Variants in RP1 observed in about 807,000 individuals in gnomAD.
RP1 encodes RP1 axonemal microtubule associated.
In RP1, 16 loss-of-function variants were observed where a neutral mutation model predicts 14.8. The observed-to-expected ratio is 1.08, with a 90% CI of 0.73 to 1.65. RP1 has a LOEUF of 1.65. RP1 is among the 40% of genes most tolerant of loss of function. The pLI, the probability that RP1 is intolerant of heterozygous loss-of-function variation, is 0.00. For synonymous variants in RP1, 876 were observed against 883.6 expected (o/e 0.99, Z 0.15); for missense variants, 2,631 against 2,535.0 (o/e 1.04, Z -0.81).
At chr8:54,811,727 G>C (rs1303604632) in intron 24 of RP1, among the ~76,000 whole-genome samples, 1 of 152,190 alleles carries the variant, frequency 6.6e-6, no homozygotes, top group Non-Finnish European at 1.5e-5. Context: ...AAAAGGTTGG[G>C]TGTGCGAAAC....
rs761897407 is a variant in RP1, at chr8:54,628,014, C to T, written c.4132C>T (p.Pro1378Ser). 1.2e-6 allele frequency: 2 copies of T among 1,613,784 alleles called. No individual in the cohort carries two copies. Among genetic ancestry groups the T allele is most frequent in the Non-Finnish European group, 8.5e-7 (1 of 1,179,892 alleles). Residue 1378 changes from proline to serine, a missense_variant, in exon 4 of 4, where the codon CCT becomes TCT. Pro to Ser is a moderately conservative substitution (Grantham distance 74, BLOSUM62 -1). Transcript: ENST00000220676. ...GAAAGATCTAAATATTTTGACAGAC[C>T]CTGAATATAAAAATGGATTTAATAC... ...IQKDLNILTD[P>S]EYKNGFNTLV...
intron 15 of RP1, among the ~76,000 whole-genome samples, chr8:54,712,987 A>G (rs775111072): frequency 7.2e-5 from 11 of 152,196 alleles, no homozygotes; most frequent in Non-Finnish European, 1.6e-4. Context: ...GGGATTTAAG[A>G]TGCATTCAAA....
rs1354886724 is a variant in RP1, at chr8:54,625,811, C to G, written c.1929C>G (p.Asp643Glu). ...CCTCTACTGTCACTGCAAGAATTGA[C>G]AGACTAATTAATGAATTTGCTCAGT... ...EASSTVTARIDRLINEFAQCG... is the reference protein window; with the variant it reads ...EASSTVTARIERLINEFAQCG... Residue 643 changes from aspartate to glutamate, a missense_variant, in exon 4 of 4, where the codon GAC becomes GAG. Coordinates refer to ENST00000220676, the MANE Select transcript of RP1 (RefSeq NM_006269.2). The G allele has an allele frequency of 6.2e-7, 1 of 1,613,346 alleles. No individual in the cohort carries two copies. The highest frequency in any genetic ancestry group is 1.7e-4 in the Middle Eastern group (1 of 6,060).
At chr8:54,791,721 A>C (rs1012563055) in intron 24 of RP1, among the ~76,000 whole-genome samples, 1 of 152,110 alleles carries the variant, frequency 6.6e-6, no homozygotes, top group Non-Finnish European at 1.5e-5. Context: ...GTAGATACAC[A>C]AAAGATTAAG....
intron 17 of RP1, among the ~76,000 whole-genome samples, chr8:54,732,070 C>T (rs1808807983): frequency 6.6e-6 from 1 of 152,220 alleles, no homozygotes; most frequent in Admixed American, 6.5e-5. Context: ...ATTTCTGTCT[C>T]TCCTCTTCAC....
downstream of RP1, chr8:54,770,014 C>T (rs929903372): frequency 2.0e-5 from 10 of 496,148 alleles, no homozygotes; most frequent in Admixed American, 1.1e-4. Context: ...TAAAAATCAA[C>T]TTAAGGATTT....
intron 7 of RP1, among the ~76,000 whole-genome samples, chr8:54,673,405 C>A (rs769205398): frequency 6.6e-6 from 1 of 152,138 alleles, no homozygotes; most frequent in African/African-American, 2.4e-5. Flanking sequence ...ACCATTGGAG[C>A]ACAACTATGT....
intron 17 of RP1, among the ~76,000 whole-genome samples, chr8:54,727,747 T>C (rs894967144): frequency 6.6e-6 from 1 of 152,002 alleles, no homozygotes; most frequent in African/African-American, 2.4e-5. Flanking sequence ...AGACTTGGTC[T>C]CTACCCTCTT....
chr8:54,636,491 A>C (rs2129320864), intron 3 of RP1, among the ~76,000 whole-genome samples: 1 of 152,348 alleles, frequency 6.6e-6, no homozygotes. Flanking sequence ...TAATCCCAGC[A>C]CTTTGGGAGG....
chr8:54,856,169 C>T (rs979973625), intron 26 of RP1, among the ~76,000 whole-genome samples: 4 of 152,108 alleles, frequency 2.6e-5, no homozygotes, highest in East Asian at 1.9e-4. Flanking sequence ...ATGAATCTCA[C>T]GTTGAATGAC....
intron 14 of RP1, among the ~76,000 whole-genome samples, chr8:54,704,943 CT>C (rs554032551): frequency 3.1e-4 from 47 of 152,082 alleles, no homozygotes; most frequent in African/African-American, 1.1e-3. Context: ...TGACATATGC[CT>C]TTGACCACAT....
At position 54,630,113 on chromosome 8, in the gene RP1, G is replaced by A. The variant is rs1806212295; in HGVS notation, c.6231G>A (p.Gln2077=). Residue 2077 remains glutamine (Q), a synonymous_variant, in exon 4 of 4, where the codon CAG becomes CAA. Transcript: ENST00000220676. ...ENNNLLNNRF[Q]GSRTNLNQVV... ...ACAACTTATTAAATAACAGATTCCA[G>A]GGCTCAAGAACAAATCTCAACCAAG... The A allele has an allele frequency of 6.2e-7, 1 of 1,613,806 alleles. No homozygotes were observed. The highest frequency in any genetic ancestry group is 8.5e-7 in the Non-Finnish European group (1 of 1,179,906).
intron 6 of RP1, among the ~76,000 whole-genome samples, chr8:54,659,719 C>G (rs1367962646): frequency 6.6e-6 from 1 of 152,144 alleles, no homozygotes; most frequent in Non-Finnish European, 1.5e-5. Context: ...TCTTGGCAAT[C>G]TACATGAATT....
chr8:54,663,610 C>T, intron 6 of RP1: 1 of 1,283,832 alleles, frequency 7.8e-7, no homozygotes, highest in Non-Finnish European at 1.0e-6. Context: ...TGGAACTTTT[C>T]CACCATGGAT....
chr8:54,559,885 G>A (rs763244968), intron 1 of RP1, among the ~76,000 whole-genome samples: 78 of 152,194 alleles, frequency 5.1e-4, no homozygotes, highest in Non-Finnish European at 6.8e-4. Flanking sequence ...AAGATGAGAT[G>A]GGGTGGGGAC....
At chr8:54,617,184 T>G (rs1440569515) in intron 1 of RP1, among the ~76,000 whole-genome samples, 1 of 152,196 alleles carries the variant, frequency 6.6e-6, no homozygotes, top group Non-Finnish European at 1.5e-5. Flanking sequence ...GTGAAGAAAC[T>G]GGAGGGCCTC....
chr8:54,750,502 G>A (rs1809334242), intron 19 of RP1, among the ~76,000 whole-genome samples: 1 of 152,180 alleles, frequency 6.6e-6, no homozygotes, highest in Non-Finnish European at 1.5e-5. Context: ...ATCACTGAGA[G>A]GAGAAGCCAG....
At chr8:54,736,169 T>C (rs1808915446) in intron 18 of RP1, among the ~76,000 whole-genome samples, 2 of 152,240 alleles carry the variant, frequency 1.3e-5, no homozygotes, top group South Asian at 4.1e-4. Context: ...ATGTTAGTTA[T>C]GTGACCTTGA....
At chr8:54,641,114 T>G (rs1460914891) in intron 3 of RP1, among the ~76,000 whole-genome samples, 1 of 151,940 alleles carries the variant, frequency 6.6e-6, no homozygotes, top group Admixed American at 6.6e-5. Flanking sequence ...CTGGCTAATT[T>G]TTTGTACTTT....
Sources: allele counts gnomAD v4.1 joint callset (sites outside exome capture counted in the v4.1 genomes callset), GRCh38; gene constraint gnomAD v4.1.1; transcripts MANE v1.5; gene names NCBI Gene and HGNC (gene_info 2026-07-23, HGNC 2026-07-21).